Variants in CUX2 observed in about 807,000 individuals in gnomAD.
CUX2 encodes homeobox protein cut-like 2.
Under a neutral mutation model 144.8 loss-of-function variants are expected in CUX2, and 40 were observed. The ratio of observed to expected loss-of-function variants is 0.28; its 90% confidence interval spans 0.21 to 0.36. CUX2 has a LOEUF of 0.36. Ranked by LOEUF, CUX2 falls within the 10% of genes least tolerant of loss-of-function variation. The pLI is 1.00. For missense variants in CUX2, 1,615 were observed against 1,994.0 expected (o/e 0.81, Z 3.62); for synonymous variants, 827 against 875.6 (o/e 0.94, Z 0.98).
At chr12:111,167,807 G>C (rs1878249586) in intron 1 of CUX2, among the ~76,000 whole-genome samples, 1 of 152,062 alleles carries the variant, frequency 6.6e-6, no homozygotes, top group African/African-American at 2.4e-5. Context: ...TGATTCTCAT[G>C]CCTCAGCCTT....
intron 16 of CUX2, among the ~76,000 whole-genome samples, chr12:111,319,422 A>G (rs923712007): frequency 2.4e-4 from 37 of 152,056 alleles, no homozygotes; most frequent in African/African-American, 8.7e-4. Context: ...GAACATTTAC[A>G]TGGTTGGATC....
chr12:111,111,357 C>G (rs1873945103), intron 1 of CUX2, among the ~76,000 whole-genome samples: 1 of 152,070 alleles, frequency 6.6e-6, no homozygotes, highest in African/African-American at 2.4e-5. Context: ...GATGCCTCAT[C>G]TCTTTCCCAA....
chr12:111,343,389 G>A (rs987963581), intron 21 of CUX2, among the ~76,000 whole-genome samples: 11 of 152,058 alleles, frequency 7.2e-5, no homozygotes, highest in African/African-American at 2.7e-4. Flanking sequence ...ACACTTGGGG[G>A]GATTTCAAGG....
intron 1 of CUX2, among the ~76,000 whole-genome samples, chr12:111,191,465 G>A (rs1458833187): frequency 2.0e-5 from 3 of 152,082 alleles, no homozygotes; most frequent in Admixed American, 6.5e-5. Context: ...CGGAGTAGCT[G>A]AGATTACAGG....
intron 1 of CUX2, among the ~76,000 whole-genome samples, chr12:111,070,559 A>C (rs1482154726): frequency 6.6e-6 from 1 of 151,948 alleles, no homozygotes; most frequent in Non-Finnish European, 1.5e-5. Flanking sequence ...CATTATCAGC[A>C]TCTCCCACCA....
At chr12:111,330,728 T>TACATATACATATATATATATATACAC (rs1377439848) in intron 18 of CUX2, among the ~76,000 whole-genome samples, 1 of 50,144 alleles carries the variant, frequency 2.0e-5, no homozygotes, top group African/African-American at 8.7e-5. Context: ...TATATATATA[T>TACATATACATATATATATATATACAC]ATATATATAT....
chr12:111,300,739 T>C (rs947520963), intron 9 of CUX2, among the ~76,000 whole-genome samples: 1 of 152,136 alleles, frequency 6.6e-6, no homozygotes, highest in Non-Finnish European at 1.5e-5. Flanking sequence ...CCAATAAAAC[T>C]TTATAAGAAC....
At position 111,295,513 on chromosome 12, in the gene CUX2, A is replaced by G; in HGVS notation, c.637+104A>G. On this transcript the variant is annotated intron_variant, in intron 7 of 21. Transcript: ENST00000261726. This position sits in a 1 kb window ranked among gnomAD's most constrained non-coding sequence, Gnocchi z 5.0. The stretch of plus-strand genomic sequence containing the variant: ...GGTCTGCCACATCCAGGTGTTTTAG[A>G]ATCAAGAGGGCAAAATGGGAGTTTG... 1 of 988,204 alleles carries G rather than the reference A, an allele frequency of 1.0e-6. No individual in the cohort carries two copies. Among genetic ancestry groups the G allele is most frequent in the Non-Finnish European group, 1.5e-6 (1 of 676,602 alleles). 61.2% of individuals were successfully genotyped at this position (988,204 alleles called of 1,614,324 possible). A position where few individuals can be genotyped will look rare whatever the true frequency, so the allele number is the denominator to read the frequency against.
At chr12:111,203,231 C>CAA (rs35855857) in intron 1 of CUX2, among the ~76,000 whole-genome samples, 1,035 of 76,208 alleles carry the variant, frequency 0.014, 19 homozygotes, top group East Asian at 0.038. Flanking sequence ...GACTCTGTCT[C>CAA]AAAAAAAAAA....
intron 3 of CUX2, among the ~76,000 whole-genome samples, chr12:111,234,734 T>C (rs1178049699): frequency 3.3e-5 from 5 of 149,898 alleles, no homozygotes; most frequent in Admixed American, 6.6e-5. Context: ...TTTTTTTTTT[T>C]CTGAGACAGA....
At position 111,263,629 on chromosome 12, in the gene CUX2, AC is replaced by A. The variant is rs113958521; in HGVS notation, c.223-131del. 1,835 of 721,372 alleles carry A rather than the reference AC, an allele frequency of 2.5e-3. 23 individuals carry two copies. In the African/African-American group the frequency reaches 0.033, roughly 13 times the overall value. 44.7% of individuals were successfully genotyped at this position (721,372 alleles called of 1,614,324 possible). On this transcript the variant is annotated intron_variant, in intron 3 of 21. Transcript: ENST00000261726. This position sits in a 1 kb window ranked among gnomAD's most constrained non-coding sequence, Gnocchi z 4.0. ...GACAGAGCAAGACTCTCTCTCAAAA[AC>A]AAAACAAAACAAAACAAAACAAAAC... is the stretch of plus-strand genomic sequence containing the variant.
At chr12:111,342,941 A>G (rs1228809409) in intron 21 of CUX2, among the ~76,000 whole-genome samples, 2 of 139,538 alleles carry the variant, frequency 1.4e-5, no homozygotes, top group African/African-American at 5.5e-5. Flanking sequence ...CCTGGGCAAC[A>G]GAGTGAGACT....
chr12:111,103,666 AAC>A (rs1412199793), intron 1 of CUX2, among the ~76,000 whole-genome samples: 5 of 152,220 alleles, frequency 3.3e-5, no homozygotes, highest in Admixed American at 1.3e-4. Context: ...TGTCTACTAT[AAC>A]AGGCAGGACT....
chr12:111,197,549 C>T (rs1215705736), intron 1 of CUX2, among the ~76,000 whole-genome samples: 5 of 152,120 alleles, frequency 3.3e-5, no homozygotes, highest in Admixed American at 3.3e-4. Context: ...AGCGTGTAGG[C>T]ATCTTGAGGG....
intron 1 of CUX2, among the ~76,000 whole-genome samples, chr12:111,083,750 G>A (rs1172855766): frequency 2.0e-5 from 3 of 152,152 alleles, no homozygotes; most frequent in Admixed American, 1.3e-4. Flanking sequence ...GGCACTGAGA[G>A]CTCCAAGAGG....
At chr12:111,100,063 T>C in intron 1 of CUX2, 1 of 456,838 alleles carries the variant, frequency 2.2e-6, no homozygotes, top group Non-Finnish European at 4.4e-6. Context: ...GGGCTGTGTC[T>C]GGACACTTCT....
At chr12:111,103,756 A>C (rs1873414414) in intron 1 of CUX2, among the ~76,000 whole-genome samples, 1 of 152,202 alleles carries the variant, frequency 6.6e-6, no homozygotes, top group African/African-American at 2.4e-5. Flanking sequence ...ATGTGACCTG[A>C]AACGGTCAGG....
Position 111,061,812 on chromosome 12 carries a change from G to A in CUX2, c.63+27572G>A, listed in dbSNP as rs1222956267. Reference sequence around the variant, plus strand: ...GGAAACACTGTGCTTCCAGTTTTATGTACTTGGCCTTGTTCTCAGCAGGCA... The same window carrying A: ...GGAAACACTGTGCTTCCAGTTTTATATACTTGGCCTTGTTCTCAGCAGGCA... On this transcript the variant is annotated intron_variant, in intron 1 of 21. Coordinates refer to ENST00000261726, the MANE Select transcript of CUX2 (RefSeq NM_015267.4). The surrounding 1 kb of genome is among the most constrained non-coding windows in gnomAD (Gnocchi z 4.2). Among the ~76,000 whole-genome samples the A allele has an allele frequency of 1.3e-5, 2 of 152,132 alleles. No individual in the cohort carries two copies. The highest frequency in any genetic ancestry group is 4.8e-5 in the African/African-American group (2 of 41,406).
At chr12:111,265,291 CTATTTTATTTTATTTTATTTTTATTT>C (rs1250454651) in intron 4 of CUX2, among the ~76,000 whole-genome samples, 9 of 149,710 alleles carry the variant, frequency 6.0e-5, no homozygotes, top group African/African-American at 1.5e-4. Context: ...AAAGCTTCCC[CTATTTTATTTTATTTTATTTTTATTT>C]TATTTTATTT....
Sources: gnomAD v4.1 joint callset for allele counts (sites outside exome capture counted in the v4.1 genomes callset) on GRCh38, gnomAD v4.1.1 for gene constraint, Gnocchi (gnomAD v3.1) non-coding constraint, MANE v1.5 for transcripts, NCBI Gene and HGNC (gene_info 2026-07-23, HGNC 2026-07-21) for gene names.